Variants in GRIP2 observed in about 807,000 individuals in gnomAD.
GRIP2 encodes the protein glutamate receptor interacting protein 2.
GRIP2 carries 58 observed loss-of-function variants against 108.3 expected under a neutral mutation model. The ratio of observed to expected loss-of-function variants is 0.54; its 90% CI spans 0.43 to 0.67. The LOEUF is 0.67. GRIP2 is among the 30% of genes least tolerant of loss of function. The pLI, the probability that GRIP2 is intolerant of heterozygous loss-of-function variation, is 0.00. For synonymous variants in GRIP2, 586 were observed against 598.2 expected (o/e 0.98, Z 0.30); for missense variants, 1,278 against 1,430.6 (o/e 0.89, Z 1.72).
chr3:14,591,514 A>T, the GRIP2 span, among the ~76,000 whole-genome samples: 7 of 152,340 alleles, frequency 4.6e-5, no homozygotes, highest in Middle Eastern at 3.4e-3. Flanking sequence ...TTCTGGGAAG[A>T]TAAATGAAAT....
Position 14,517,089 on chromosome 3 carries a change from C to T in GRIP2, c.1281G>A (p.Gln427=). 6.3e-7 allele frequency: 1 copy of T among 1,599,114 alleles called. No homozygotes were observed. Among genetic ancestry groups the T allele is most frequent in the East Asian group, 2.3e-5 (1 of 43,840 alleles). ...SPRTTMGRRR[Q]RRREHKSSLS... ...ACGAGCTCTTGTGTTCCCTTCTTCGCTGCCTCCTCCGCCCCATTGTAGTTC... is the reference window on the plus strand; with the variant it reads ...ACGAGCTCTTGTGTTCCCTTCTTCGTTGCCTCCTCCGCCCCATTGTAGTTC... The change falls in exon 11 of 24, where the codon CAG becomes CAA. Residue 427 remains glutamine (Q), a synonymous_variant. Coordinates refer to ENST00000621039, the MANE Select transcript of GRIP2 (RefSeq NM_001080423.4).
At chr3:14,574,614 C>G in the GRIP2 span, 4 of 679,682 alleles carry the variant, frequency 5.9e-6, no homozygotes, top group Admixed American at 2.1e-5. Context: ...ATGGAGGATA[C>G]CTTCCTGGGC....
At position 14,524,504 on chromosome 3, in the gene GRIP2, A is replaced by G; in HGVS notation, c.292T>C (p.Ser98Pro). 1 of 1,558,222 alleles carries G rather than the reference A, an allele frequency of 6.4e-7. No individual in the cohort carries two copies. The highest frequency in any genetic ancestry group is 2.4e-5 in the East Asian group (1 of 41,542). ...CTGGTCAGGTGGATCCCGTTCACAG[A>G]CCGAATATAGTCACCAATGTTCAGC... ...DLLNIGDYIR[S>P]VNGIHLTRLR... Residue 98 changes from serine (S) to proline (P), a missense_variant, in exon 4 of 24, where the codon TCT becomes CCT. Transcript: ENST00000621039.
Position 14,521,015 on chromosome 3 carries a change from C to T in GRIP2, c.713-478G>A, listed in dbSNP as rs60256773. ...GACCGTCATCATATTTCCTGAATCC[C>T]GTGCCTTCTCCCCTCCTTAGCCACC... On this transcript the variant is annotated intron_variant, in intron 7 of 23. Coordinates refer to ENST00000621039, the MANE Select transcript of GRIP2 (RefSeq NM_001080423.4). The surrounding 1 kb of genome is among the most constrained non-coding windows in gnomAD (Gnocchi z 5.1). The T allele has an allele frequency of 0.045, 8,046 of 177,648 alleles. 272 individuals carry two copies. Among genetic ancestry groups the T allele is most frequent in the East Asian group, 0.15 (978 of 6,692 alleles). The allele number at this position is 177,648 out of a possible 1,614,324, so 11.0% of individuals were successfully genotyped here. A position where few individuals can be genotyped will look rare whatever the true frequency, so the allele number is the denominator to read the frequency against.
intron 1 of GRIP2, among the ~76,000 whole-genome samples, chr3:14,527,427 AGGG>A (rs1694590888): frequency 1.8e-5 from 2 of 114,082 alleles, no homozygotes; most frequent in South Asian, 6.1e-4. Context: ...AGGGGAGGGG[AGGG>A]GAGGGGAGGG....
At chr3:14,595,573 G>A in the GRIP2 span, among the ~76,000 whole-genome samples, 4 of 152,330 alleles carry the variant, frequency 2.6e-5, no homozygotes, top group South Asian at 2.1e-4. Flanking sequence ...CAGTCGCCAC[G>A]GGGATCACTC....
At chr3:14,560,606 T>A (rs1177281007), upstream of GRIP2, among the ~76,000 whole-genome samples, 1 of 152,076 alleles carries the variant, frequency 6.6e-6, no homozygotes, top group African/African-American at 2.4e-5. Context: ...TCTGGAGGTG[T>A]GGAGAAGCTG....
At chr3:14,554,560 G>T (rs1695204121) in intron 1 of GRIP2, among the ~76,000 whole-genome samples, 1 of 152,108 alleles carries the variant, frequency 6.6e-6, no homozygotes, top group South Asian at 2.1e-4. Flanking sequence ...TGTCTCTGTG[G>T]ACCAGGCTTC....
intron 1 of GRIP2, chr3:14,530,989 CGG>C (rs1694696129): frequency 6.6e-6 from 1 of 151,998 alleles, no homozygotes; most frequent in Non-Finnish European, 1.5e-5. Flanking sequence ...TGCAAAACTA[CGG>C]AAGACTTCAC....
intron 4 of GRIP2, 178 bp downstream of exon 4, chr3:14,524,215 A>G: frequency 1.6e-6 from 1 of 642,152 alleles, no homozygotes; most frequent in East Asian, 2.8e-5. Context: ...CCTCCTGGTG[A>G]CAGCATACTG....
chr3:14,580,002 C>T, the GRIP2 span, among the ~76,000 whole-genome samples: 4 of 152,306 alleles, frequency 2.6e-5, no homozygotes, highest in Admixed American at 6.5e-5. Context: ...GTGTGGCTTT[C>T]GTGGCAGTGT....
the GRIP2 span, among the ~76,000 whole-genome samples, chr3:14,576,042 G>A: frequency 7.9e-5 from 12 of 152,358 alleles, no homozygotes; most frequent in African/African-American, 2.9e-4. Context: ...ACCCCTGTGG[G>A]GCTCAGGACT....
the GRIP2 span, among the ~76,000 whole-genome samples, chr3:14,576,338 G>A: frequency 1.2e-4 from 18 of 152,238 alleles, 1 homozygote; most frequent in African/African-American, 2.4e-5. Context: ...TCTACAGATG[G>A]AGAACTGGGC....
intron 1 of GRIP2, among the ~76,000 whole-genome samples, chr3:14,532,428 G>A (rs1575023068): frequency 6.6e-6 from 1 of 152,244 alleles, no homozygotes; most frequent in East Asian, 1.9e-4. Context: ...TTCGCACTAT[G>A]GGTATTTTTT....
the GRIP2 span, among the ~76,000 whole-genome samples, chr3:14,581,404 C>CA: frequency 2.0e-5 from 3 of 152,170 alleles, no homozygotes; most frequent in Non-Finnish European, 4.4e-5. Context: ...AGACTGACTG[C>CA]AGAGGGGGTC....
rs549820645 is a variant in GRIP2, at chr3:14,504,023, C to T, written c.2574-352G>A. 6.3e-4 allele frequency: 179 copies of T among 283,128 alleles called. 1 individual carries two copies. The highest frequency in any genetic ancestry group is 2.3e-3 in the Middle Eastern group (2 of 862). 17.5% of individuals were successfully genotyped at this position (283,128 alleles called of 1,614,324 possible). A position where few individuals can be genotyped will look rare whatever the true frequency, so the allele number is the denominator to read the frequency against. On this transcript the variant is annotated intron_variant, in intron 20 of 23. Transcript: ENST00000621039. The stretch of plus-strand genomic sequence containing the variant: ...AGATCCATGGTGTAGTCCCAGAGGA[C>T]GGCCCCTGGCCCCACCCAGACACAC...
In GRIP2 at chr3:14,525,532, T is replaced by C. The variant is rs533489996; in HGVS notation, c.162A>G (p.Lys54=). 2.5e-6 allele frequency: 4 copies of C among 1,613,874 alleles called. No individual in the cohort carries two copies. The East Asian group carries it at 6.7e-5, about 27-fold the overall frequency. ...TAGTCAGGCCCAGCGTGCTGCCTTC[T>C]TTCTTGATCAGCTCCACCACAGTGA... ...RGITVVELIK[K]EGSTLGLTIS... The change falls in exon 3 of 24, where the codon AAA becomes AAG. Residue 54 remains lysine (K), a synonymous_variant. Transcript: ENST00000621039.
chr3:14,495,579 G>A (rs1330268063), intron 22 of GRIP2, among the ~76,000 whole-genome samples: 2 of 152,040 alleles, frequency 1.3e-5, no homozygotes, highest in African/African-American at 4.8e-5. Flanking sequence ...GCTAATTTTT[G>A]TATTTTTAGT....
At chr3:14,519,921 T>G (rs923872207) in intron 9 of GRIP2, among the ~76,000 whole-genome samples, 189 bp downstream of exon 9, 1 of 152,182 alleles carries the variant, frequency 6.6e-6, no homozygotes, top group Non-Finnish European at 1.5e-5. Flanking sequence ...AACCCTCAAG[T>G]TGTTTCTCTG....
Sources: allele counts gnomAD v4.1 joint callset (sites outside exome capture counted in the v4.1 genomes callset), GRCh38; gene constraint gnomAD v4.1.1; non-coding constraint Gnocchi (gnomAD v3.1); transcripts MANE v1.5; gene names NCBI Gene and HGNC (gene_info 2026-07-23, HGNC 2026-07-21).